The following ATF7IP variants were observed in gnomAD, a reference collection of about 807,000 sequenced individuals.
ATF7IP encodes the protein activating transcription factor 7 interacting protein, also known as activating transcription factor 7-interacting protein 1.
In ATF7IP, 23 loss-of-function variants were observed where a neutral mutation model predicts 106.4. That is an observed-to-expected ratio of 0.22 (90% confidence interval 0.16 to 0.31). The LOEUF (loss-of-function observed/expected upper bound fraction) is 0.31. ATF7IP is among the 10% of genes least tolerant of loss of function. The probability of loss-of-function intolerance (pLI) is 1.00; values close to 1 mark genes in which losing one functional copy is unlikely to be tolerated. For synonymous variants in ATF7IP, 542 were observed against 539.0 expected (o/e 1.01, Z -0.08); for missense variants, 1,334 against 1,524.3 (o/e 0.88, Z 2.08).
chr12:14,458,528 AATCCATTT>A (rs1270400903), intron 8 of ATF7IP, among the ~76,000 whole-genome samples: 1 of 152,182 alleles, frequency 6.6e-6, no homozygotes, highest in Non-Finnish European at 1.5e-5. Context: ...CCTCCATTAA[AATCCATTT>A]ATTGGACAAG....
At chr12:14,484,977 G>C (rs918141780) in intron 13 of ATF7IP, among the ~76,000 whole-genome samples, 5 of 152,122 alleles carry the variant, frequency 3.3e-5, no homozygotes, top group African/African-American at 1.2e-4. Context: ...GCCAAGAGCT[G>C]TCTCTCAAAA....
intron 1 of ATF7IP, among the ~76,000 whole-genome samples, chr12:14,371,255 A>C (rs1379895932): frequency 1.3e-5 from 2 of 152,114 alleles, no homozygotes; most frequent in East Asian, 3.8e-4. Flanking sequence ...AATGAAAAGA[A>C]GAAATCACGG....
chr12:14,387,355 TAAC>T (rs1939295799), intron 1 of ATF7IP, among the ~76,000 whole-genome samples: 1 of 152,112 alleles, frequency 6.6e-6, no homozygotes, highest in Admixed American at 6.5e-5. Context: ...TTAATAGTAA[TAAC>T]AGCTCATTTT....
At chr12:14,462,912 C>T (rs976078018) in intron 9 of ATF7IP, among the ~76,000 whole-genome samples, 1 of 151,890 alleles carries the variant, frequency 6.6e-6, no homozygotes, top group African/African-American at 2.4e-5. Flanking sequence ...TGCTTACCTA[C>T]ATTTGATAAT....
chr12:14,381,867 G>GTTTTT (rs55929147), intron 1 of ATF7IP, among the ~76,000 whole-genome samples: 19 of 148,394 alleles, frequency 1.3e-4, no homozygotes, highest in Non-Finnish European at 1.5e-4. Context: ...ATTAATTCTA[G>GTTTTT]TTTTTTTTTT....
intron 1 of ATF7IP, among the ~76,000 whole-genome samples, chr12:14,373,927 T>C (rs890270559): frequency 1.3e-5 from 2 of 152,062 alleles, no homozygotes; most frequent in Non-Finnish European, 2.9e-5. Flanking sequence ...TAAAACTCAG[T>C]GTAGTATTTT....
intron 13 of ATF7IP, among the ~76,000 whole-genome samples, chr12:14,492,334 C>T (rs936366867): frequency 2.0e-5 from 3 of 152,102 alleles, no homozygotes; most frequent in East Asian, 1.9e-4. Flanking sequence ...AATGTCTGAT[C>T]GTTTCCTTTT....
chr12:14,453,773 C>T (rs953196462), intron 6 of ATF7IP, among the ~76,000 whole-genome samples: 4 of 151,960 alleles, frequency 2.6e-5, no homozygotes, highest in African/African-American at 9.7e-5. Context: ...TACAGGTGCC[C>T]ACCATCACGC....
chr12:14,415,409 A>C (rs1316948631), intron 1 of ATF7IP, among the ~76,000 whole-genome samples: 3 of 152,226 alleles, frequency 2.0e-5, no homozygotes, highest in Non-Finnish European at 4.4e-5. Context: ...TTGTAGTGAC[A>C]GTTCTGGCTT....
intron 2 of ATF7IP, among the ~76,000 whole-genome samples, chr12:14,429,538 A>G (rs1447140794): frequency 2.6e-5 from 4 of 152,184 alleles, no homozygotes; most frequent in Non-Finnish European, 4.4e-5. Flanking sequence ...TCTGTGGTTG[A>G]TATTTTCCTC....
chr12:14,436,366 GAA>G, intron 4 of ATF7IP, 115 bp downstream of exon 4: 1 of 1,080,660 alleles, frequency 9.3e-7, no homozygotes, highest in Non-Finnish European at 1.3e-6. Context: ...ATCATAGAAA[GAA>G]AGAACTTGAA....
At chr12:14,461,186 G>A (rs1159404031) in intron 9 of ATF7IP, 53 bp downstream of exon 9, 82 of 1,499,138 alleles carry the variant, frequency 5.5e-5, no homozygotes, top group Non-Finnish European at 7.0e-5. Context: ...TAATAGCCTT[G>A]TAATGATTGA....
intron 1 of ATF7IP, among the ~76,000 whole-genome samples, chr12:14,383,730 T>A (rs1265632828): frequency 1.3e-5 from 2 of 152,010 alleles, no homozygotes; most frequent in African/African-American, 2.4e-5. Flanking sequence ...GTTTTAAAAA[T>A]TTTTTTTGTA....
chr12:14,453,193 G>C (rs1368260506), intron 6 of ATF7IP, among the ~76,000 whole-genome samples: 1 of 150,820 alleles, frequency 6.6e-6, no homozygotes, highest in African/African-American at 2.4e-5. Context: ...ATGTTTTTGG[G>C]TTAACAATAG....
rs761145954 is a variant in ATF7IP at position 14,446,973 on chromosome 12, T to TG, written c.1930-15_1930-14insG. 2 of 1,512,526 alleles carry TG rather than the reference T, an allele frequency of 1.3e-6. No individual in the cohort carries two copies. The highest frequency in any genetic ancestry group is 2.8e-5 in the African/African-American group (2 of 70,254). 93.7% of individuals were successfully genotyped at this position (1,512,526 alleles called of 1,614,324 possible). Reference sequence around the variant, plus strand: ...TTTGATTTCCATTCATTTTTGTCTTTTTTTTTTTTTTCAGGCCAAGATAGC... The same window carrying TG: ...TTTGATTTCCATTCATTTTTGTCTTTGTTTTTTTTTTTCAGGCCAAGATAGC... On this transcript the variant is annotated splice_polypyrimidine_tract_variant and intron_variant, in intron 5 of 14. Coordinates refer to ENST00000261168, the MANE Select transcript of ATF7IP (RefSeq NM_018179.5).
intron 2 of ATF7IP, among the ~76,000 whole-genome samples, chr12:14,431,125 C>T (rs959693170): frequency 6.6e-6 from 1 of 152,138 alleles, no homozygotes; most frequent in African/African-American, 2.4e-5. Flanking sequence ...TCTACCTTTA[C>T]TTAATGGAAC....
At chr12:14,432,029 C>T (rs1942165708) in intron 2 of ATF7IP, among the ~76,000 whole-genome samples, 1 of 152,068 alleles carries the variant, frequency 6.6e-6, no homozygotes, top group Middle Eastern at 3.2e-3. Flanking sequence ...TATCTGGAAA[C>T]TGGGAGTTGG....
intron 1 of ATF7IP, chr12:14,385,074 A>G: frequency 3.6e-6 from 1 of 278,430 alleles, no homozygotes; most frequent in Non-Finnish European, 6.7e-6. Context: ...GACGGGATTC[A>G]CAGGCATTAT....
chr12:14,421,071 G>C (rs975518784), intron 1 of ATF7IP, among the ~76,000 whole-genome samples: 13 of 152,192 alleles, frequency 8.5e-5, no homozygotes, highest in Admixed American at 5.2e-4. Context: ...GCACTGGCCA[G>C]ATGTTAACAA....
Sources: allele counts gnomAD v4.1 joint callset (sites outside exome capture counted in the v4.1 genomes callset), GRCh38; gene constraint gnomAD v4.1.1; transcripts MANE v1.5; gene names NCBI Gene and HGNC (gene_info 2026-07-23, HGNC 2026-07-21).